MEGF9: variants seen among roughly 807,000 people sequenced by gnomAD.
The protein encoded by MEGF9 is multiple epidermal growth factor-like domains protein 9.
Under a neutral mutation model 46.8 loss-of-function variants are expected in MEGF9, and 6 were observed. The observed-to-expected ratio is 0.13, with a 90% CI of 0.07 to 0.25. The LOEUF is 0.25. Ranked by LOEUF, MEGF9 falls within the 10% of genes least tolerant of loss-of-function variation. MEGF9 has a pLI of 1.00. For missense variants in MEGF9, 683 were observed against 792.4 expected (o/e 0.86, Z 1.66); for synonymous variants, 302 against 330.7 (o/e 0.91, Z 0.94).
intron 1 of MEGF9, among the ~76,000 whole-genome samples, chr9:120,661,752 C>G (rs1317938478): frequency 6.6e-6 from 1 of 152,162 alleles, no homozygotes; most frequent in Admixed American, 6.5e-5. Context: ...TAGCTACTTT[C>G]TGCGTATGTG....
chr9:120,620,248 G>T (rs558590900), intron 3 of MEGF9, among the ~76,000 whole-genome samples: 4 of 152,122 alleles, frequency 2.6e-5, no homozygotes, highest in Non-Finnish European at 5.9e-5. Flanking sequence ...ACTGCTTTTC[G>T]GTACTGTAAA....
chr9:120,705,214 A>T (rs2043923950), intron 1 of MEGF9, among the ~76,000 whole-genome samples: 2 of 152,170 alleles, frequency 1.3e-5, no homozygotes, highest in Non-Finnish European at 2.9e-5. Context: ...TAAATTACAT[A>T]GACCAAAAAC....
Position 120,603,948 on chromosome 9 carries a change from T to A in MEGF9, c.*1242A>T, listed in dbSNP as rs188901083. The A allele has an allele frequency of 6.5e-6, 1 of 152,694 alleles. No individual in the cohort carries two copies. Among genetic ancestry groups the A allele is most frequent in the African/African-American group, 2.4e-5 (1 of 41,472 alleles). 9.5% of individuals were successfully genotyped at this position (152,694 alleles called of 1,614,324 possible). On this transcript the variant is annotated 3_prime_UTR_variant, in exon 6 of 6. Transcript: ENST00000373930. Reference sequence around the variant, plus strand: ...TGAAAACTACAGATCCCAAGTAATATGATGGCTTTTCTCTTGGAACTAAAA... The same window carrying A: ...TGAAAACTACAGATCCCAAGTAATAAGATGGCTTTTCTCTTGGAACTAAAA...
intron 2 of MEGF9, among the ~76,000 whole-genome samples, chr9:120,655,742 T>C (rs2043673729): frequency 1.3e-5 from 2 of 152,234 alleles, no homozygotes; most frequent in East Asian, 1.9e-4. Flanking sequence ...ACTCCAATGT[T>C]AGGATATAAA....
At chr9:120,618,121 C>A (rs1274479367) in intron 3 of MEGF9, among the ~76,000 whole-genome samples, 1 of 152,020 alleles carries the variant, frequency 6.6e-6, no homozygotes, top group East Asian at 1.9e-4. Flanking sequence ...AAATTAAATC[C>A]AGGGTTAAGG....
At chr9:120,677,307 A>AT (rs35072481) in intron 1 of MEGF9, among the ~76,000 whole-genome samples, 153 of 151,548 alleles carry the variant, frequency 1.0e-3, no homozygotes, top group African/African-American at 3.6e-3. Flanking sequence ...TAAAAAAAAA[A>AT]TTTTTTTTAT....
intron 2 of MEGF9, among the ~76,000 whole-genome samples, chr9:120,634,446 C>CATTTTTTTTTTT (rs2043564658): frequency 1.9e-4 from 9 of 46,908 alleles, no homozygotes; most frequent in South Asian, 2.3e-3. Context: ...TGTGGAATAT[C>CATTTTTTTTTTT]TTTTTTTTTT....
At chr9:120,690,900 C>T (rs1034957808) in intron 1 of MEGF9, among the ~76,000 whole-genome samples, 4 of 151,908 alleles carry the variant, frequency 2.6e-5, no homozygotes, top group Non-Finnish European at 4.4e-5. Flanking sequence ...ATAATGTTGG[C>T]CACAGACATT....
At chr9:120,705,056 G>T (rs2043922104) in intron 1 of MEGF9, among the ~76,000 whole-genome samples, 2 of 152,200 alleles carry the variant, frequency 1.3e-5, no homozygotes, top group South Asian at 4.1e-4. Flanking sequence ...GAAGGTGGCA[G>T]GGGGTAGGTG....
chr9:120,695,233 C>T lies in MEGF9; in HGVS notation c.601+18525G>A, dbSNP rs541304514. On this transcript the variant is annotated intron_variant, in intron 1 of 5. Coordinates refer to ENST00000373930, the MANE Select transcript of MEGF9 (RefSeq NM_001080497.3). Reference sequence around the variant, plus strand: ...AGTGCCAACATCAATAAGACACAGCCTATAGGCTACTTGAGAAAAGGTAAA... The same window carrying T: ...AGTGCCAACATCAATAAGACACAGCTTATAGGCTACTTGAGAAAAGGTAAA... Among the ~76,000 whole-genome samples, 3 of 152,144 alleles carry T rather than the reference C, an allele frequency of 2.0e-5. No homozygotes were observed. The East Asian group carries it at 5.8e-4, about 29-fold the overall frequency.
At chr9:120,678,106 T>C (rs2043781622) in intron 1 of MEGF9, among the ~76,000 whole-genome samples, 1 of 152,228 alleles carries the variant, frequency 6.6e-6, no homozygotes, top group Non-Finnish European at 1.5e-5. Flanking sequence ...ATCCATGTTG[T>C]TGCAAATGAC....
chr9:120,652,390 T>A (rs1319084877), intron 2 of MEGF9, among the ~76,000 whole-genome samples: 1 of 142,528 alleles, frequency 7.0e-6, no homozygotes, highest in African/African-American at 2.6e-5. Context: ...GGTGGGAGGA[T>A]CCATTGAGCC....
chr9:120,661,163 T>C (rs1426717823), intron 1 of MEGF9, among the ~76,000 whole-genome samples: 1 of 152,204 alleles, frequency 6.6e-6, no homozygotes, highest in Non-Finnish European at 1.5e-5. Flanking sequence ...TTCCTAACCT[T>C]TGGTGTCACT....
chr9:120,649,521 C>A (rs1019301094), intron 2 of MEGF9, among the ~76,000 whole-genome samples: 15 of 152,108 alleles, frequency 9.9e-5, no homozygotes, highest in African/African-American at 3.4e-4. Flanking sequence ...GGAATGGTGT[C>A]CTGTCCAGGG....
chr9:120,676,470 T>C (rs1051033546), intron 1 of MEGF9, among the ~76,000 whole-genome samples: 4 of 152,212 alleles, frequency 2.6e-5, no homozygotes, highest in African/African-American at 9.7e-5. Flanking sequence ...TTCCATTGTA[T>C]CTTCTAATCA....
intron 1 of MEGF9, among the ~76,000 whole-genome samples, chr9:120,668,278 C>A (rs1392928184): frequency 6.6e-6 from 1 of 152,070 alleles, no homozygotes; most frequent in Non-Finnish European, 1.5e-5. Context: ...TATGTTATGC[C>A]AAGGTATTGC....
chr9:120,692,016 A>G (rs2043850623), intron 1 of MEGF9, among the ~76,000 whole-genome samples: 1 of 152,218 alleles, frequency 6.6e-6, no homozygotes, highest in Non-Finnish European at 1.5e-5. Context: ...AATACTTCTT[A>G]TCTTCGGTTT....
At chr9:120,610,555 G>A (rs1187617461) in intron 4 of MEGF9, among the ~76,000 whole-genome samples, 1 of 152,078 alleles carries the variant, frequency 6.6e-6, no homozygotes, top group African/African-American at 2.4e-5. Context: ...TCCTTCTCCT[G>A]TCTACCTGCT....
chr9:120,656,299 G>C lies in MEGF9; in HGVS notation c.803+3075C>G, dbSNP rs544579730. Among the ~76,000 whole-genome samples, 24 of 152,268 alleles carry C rather than the reference G, an allele frequency of 1.6e-4. 1 individual carries two copies. The South Asian group carries it at 4.8e-3, about 30-fold the overall frequency. ...ACGGTGGCTCACACCTGTAATCCCAGCACTTTGGGAGGCTAAGGCAGGCAG... is the reference window on the plus strand; with the variant it reads ...ACGGTGGCTCACACCTGTAATCCCACCACTTTGGGAGGCTAAGGCAGGCAG... On this transcript the variant is annotated intron_variant, in intron 2 of 5. Coordinates refer to ENST00000373930, the MANE Select transcript of MEGF9 (RefSeq NM_001080497.3).
Sources: allele counts gnomAD v4.1 joint callset (sites outside exome capture counted in the v4.1 genomes callset), GRCh38; gene constraint gnomAD v4.1.1; transcripts MANE v1.5; gene names NCBI Gene and HGNC (gene_info 2026-07-23, HGNC 2026-07-21).